The following HIPK3 variants were observed in gnomAD, a reference collection of about 807,000 sequenced individuals.
HIPK3 encodes the protein homeodomain interacting protein kinase 3.
HIPK3 carries 47 observed loss-of-function variants against 124.2 expected under a neutral mutation model. The ratio of observed to expected loss-of-function variants is 0.38; its 90% confidence interval spans 0.30 to 0.48. HIPK3 has a LOEUF of 0.48. Among genes scored for constraint, HIPK3 ranks in the 20% least tolerant of loss-of-function variants. The pLI, the probability that HIPK3 is intolerant of heterozygous loss-of-function variation, is 0.98. For synonymous variants in HIPK3, 482 were observed against 515.2 expected (o/e 0.94, Z 0.87); for missense variants, 1,286 against 1,454.3 (o/e 0.88, Z 1.88).
chr11:33,286,848 A>G lies in HIPK3; in HGVS notation c.434A>G (p.Asp145Gly), dbSNP rs571959388. Residue 145 changes from aspartate to glycine, a missense_variant, in exon 2 of 17, where the codon GAT (aspartate) becomes GGT (glycine). Asp to Gly is a moderately conservative substitution (Grantham distance 94). Coordinates refer to ENST00000303296, the MANE Select transcript of HIPK3 (RefSeq NM_005734.5). ...CATAGCAGCGCAATGCAGATTGTCG[A>G]TGAATTGTCCATACTTCCTGCAATG... Reference protein sequence around the residue: ...DNHSSAMQIVDELSILPAMLQ... With the variant: ...DNHSSAMQIVGELSILPAMLQ... 6.2e-7 allele frequency: 1 copy of G among 1,614,216 alleles called. No homozygotes were observed. Among genetic ancestry groups the G allele is most frequent in the African/African-American group, 1.3e-5 (1 of 75,072 alleles).
At chr11:33,348,377 C>A in intron 12 of HIPK3, 145 bp from the exon 13 acceptor site, 1 of 1,006,000 alleles carries the variant, frequency 9.9e-7, no homozygotes, top group Non-Finnish European at 1.4e-6. Context: ...TTTTATATTT[C>A]ACAAAAACTC....
chr11:33,344,520 C>A (rs1853437278), intron 8 of HIPK3, among the ~76,000 whole-genome samples: 2 of 152,090 alleles, frequency 1.3e-5, no homozygotes, highest in Admixed American at 6.5e-5. Context: ...TTAGAAAAAT[C>A]TTTTATCTTT....
At chr11:33,310,516 G>A (rs1334495130) in intron 2 of HIPK3, among the ~76,000 whole-genome samples, 1 of 151,984 alleles carries the variant, frequency 6.6e-6, no homozygotes, top group Admixed American at 6.6e-5. Flanking sequence ...GCTATGTTGG[G>A]CAGGCTGGTC....
At chr11:33,327,376 G>GT (rs1177247994) in intron 2 of HIPK3, among the ~76,000 whole-genome samples, 3 of 152,098 alleles carry the variant, frequency 2.0e-5, no homozygotes, top group African/African-American at 7.2e-5. Context: ...CCTGTAATAT[G>GT]TTATACAAAG....
intron 8 of HIPK3, 101 bp downstream of exon 8, chr11:33,341,787 T>C (rs537769553): frequency 1.0e-3 from 1,153 of 1,116,734 alleles, no homozygotes; most frequent in Non-Finnish European, 1.2e-3. Context: ...TTTTGCTGCA[T>C]TTAGTGCTAC....
In HIPK3 at chr11:33,292,766, C is replaced by T. The variant is rs1264183019; in HGVS notation, c.1097+5255C>T. On this transcript the variant is annotated intron_variant, in intron 2 of 16. Coordinates refer to ENST00000303296, the MANE Select transcript of HIPK3 (RefSeq NM_005734.5). ...TTTTCTTTTTTTTAAGATGGAGTCT[C>T]GCTCTGTTGCCCAGGCTGGAGTGCA... 2.6e-5 allele frequency among the ~76,000 whole-genome samples: 4 copies of T among 152,142 alleles called. No individual in the cohort carries two copies. In the East Asian group the frequency reaches 5.8e-4, roughly 22 times the overall value.
chr11:33,307,695 C>T (rs978281315), intron 2 of HIPK3, among the ~76,000 whole-genome samples: 9 of 151,140 alleles, frequency 6.0e-5, no homozygotes, highest in Non-Finnish European at 1.2e-4. Flanking sequence ...CGTGAACCAC[C>T]GTGCCTGGCC....
At chr11:33,317,330 G>T (rs1852534778) in intron 2 of HIPK3, among the ~76,000 whole-genome samples, 1 of 142,932 alleles carries the variant, frequency 7.0e-6, no homozygotes, top group Non-Finnish European at 1.5e-5. Context: ...CAGTTCAGTG[G>T]CACAGTCTGA....
intron 8 of HIPK3, among the ~76,000 whole-genome samples, chr11:33,342,589 G>A (rs1233561732): frequency 1.3e-5 from 2 of 149,606 alleles, no homozygotes; most frequent in Non-Finnish European, 3.0e-5. Context: ...TGTTGCCCAG[G>A]CAGGAGTGCA....
chr11:33,257,998 C>A, intron 1 of HIPK3, 109 bp downstream of exon 1: 1 of 893,192 alleles, frequency 1.1e-6, no homozygotes, highest in South Asian at 5.1e-5. Context: ...TGGCCCGACA[C>A]CTCCGGCGCA....
chr11:33,317,129 CCTGA>C (rs1167898157), intron 2 of HIPK3, among the ~76,000 whole-genome samples: 3 of 151,998 alleles, frequency 2.0e-5, no homozygotes, highest in Admixed American at 6.6e-5. Flanking sequence ...CGCCACCATG[CCTGA>C]CTAATTTTTG....
At chr11:33,297,778 CTTTTTTTT>C (rs1015881408) in intron 2 of HIPK3, among the ~76,000 whole-genome samples, 27 of 81,992 alleles carry the variant, frequency 3.3e-4, no homozygotes, top group East Asian at 1.3e-3. Flanking sequence ...AAAGAACAGG[CTTTTTTTT>C]TTTTTTTTTT....
rs1301965775 is a variant in HIPK3 at position 33,310,264 on chromosome 11, C to CT, written c.1098-18245dup. Among the ~76,000 whole-genome samples the CT allele has an allele frequency of 3.6e-3, 271 of 76,050 alleles. 1 individual carries two copies. Among genetic ancestry groups the CT allele is most frequent in the East Asian group, 0.034 (87 of 2,532 alleles). The allele number at this position is 76,050 out of a possible 152,430, so 49.9% of individuals were successfully genotyped here. A position where few individuals can be genotyped will look rare whatever the true frequency, so the allele number is the denominator to read the frequency against. On this transcript the variant is annotated intron_variant, in intron 2 of 16. Coordinates refer to ENST00000303296, the MANE Select transcript of HIPK3 (RefSeq NM_005734.5). ...TCTGTCTGTCTGTCTGTCTGTCTGT[C>CT]TGTCTGTCTGTCTATCTTATCTATC...
chr11:33,348,649 G>C lies in HIPK3; in HGVS notation c.2497G>C (p.Ala833Pro). 1 of 1,614,160 alleles carries C rather than the reference G, an allele frequency of 6.2e-7. No individual in the cohort carries two copies. The highest frequency in any genetic ancestry group is 1.3e-5 in the African/African-American group (1 of 75,050). ...GGACAATCAGAACTCAGAAGGAGAG[G>C]CAAGAAATTGCTGTGAAACATCTAT... ...TQDNQNSEGE[A>P]RNCCETSIRQ... Residue 833 changes from alanine to proline, a missense_variant, in exon 13 of 17, where the codon GCA becomes CCA. Transcript: ENST00000303296.
chr11:33,299,240 G>A (rs1356368680), intron 2 of HIPK3, among the ~76,000 whole-genome samples: 2 of 151,766 alleles, frequency 1.3e-5, no homozygotes, highest in Non-Finnish European at 2.9e-5. Context: ...TTGGGAGGTC[G>A]AGGCAGGTGG....
At chr11:33,314,073 T>C (rs1431590535) in intron 2 of HIPK3, among the ~76,000 whole-genome samples, 2 of 152,112 alleles carry the variant, frequency 1.3e-5, no homozygotes, top group Non-Finnish European at 2.9e-5. Context: ...CCTCCTGCCA[T>C]GGACTCCCAA....
At chr11:33,270,343 C>CT (rs1219407566) in intron 1 of HIPK3, among the ~76,000 whole-genome samples, 4 of 151,698 alleles carry the variant, frequency 2.6e-5, no homozygotes, top group African/African-American at 9.7e-5. Context: ...GAGACGGAGT[C>CT]TGTCACCCAG....
intron 1 of HIPK3, among the ~76,000 whole-genome samples, chr11:33,282,847 G>C (rs1851447839): frequency 6.6e-6 from 1 of 152,122 alleles, no homozygotes; most frequent in Non-Finnish European, 1.5e-5. Flanking sequence ...GGAGGCTGAG[G>C]TATGAGGATC....
intron 2 of HIPK3, among the ~76,000 whole-genome samples, chr11:33,325,575 C>T (rs544455563): frequency 5.9e-5 from 9 of 152,118 alleles, no homozygotes; most frequent in Admixed American, 1.3e-4. Context: ...TCTTGTGCCC[C>T]GTTCTCTTTC....
Sources: gnomAD v4.1 joint callset for allele counts (sites outside exome capture counted in the v4.1 genomes callset) on GRCh38, gnomAD v4.1.1 for gene constraint, MANE v1.5 for transcripts, NCBI Gene and HGNC (gene_info 2026-07-23, HGNC 2026-07-21) for gene names.